The following ABHD6 variants were observed in gnomAD, a reference collection of about 807,000 sequenced individuals.
ABHD6 encodes the protein monoacylglycerol lipase ABHD6.
A neutral mutation model predicts 38.8 loss-of-function variants in ABHD6; 33 were observed. That is an observed-to-expected ratio of 0.85 (90% CI 0.64 to 1.14). The LOEUF is 1.14. Ranked by LOEUF, ABHD6 falls within the 50% of genes most tolerant of loss-of-function variation. ABHD6 has a pLI of 0.00. For missense variants in ABHD6, 380 were observed against 422.6 expected (o/e 0.90, Z 0.88); for synonymous variants, 147 against 161.6 (o/e 0.91, Z 0.69).
intron 7 of ABHD6, among the ~76,000 whole-genome samples, chr3:58,283,648 G>C (rs1012795419): frequency 6.6e-6 from 1 of 152,208 alleles, no homozygotes; most frequent in Non-Finnish European, 1.5e-5. Flanking sequence ...TCTGCAGGAT[G>C]GATAGATGGC....
chr3:58,247,720 G>A lies in ABHD6; in HGVS notation c.-90-2158G>A, dbSNP rs182725900. On this transcript the variant is annotated intron_variant, in intron 1 of 9. Coordinates refer to ENST00000478253, the MANE Select transcript of ABHD6 (RefSeq NM_001320126.2). ...CTCCTGAGTTGCAGGGACTACAGGCGCACACCACCACGCCTGGCTAATTTT... is the reference window on the plus strand; with the variant it reads ...CTCCTGAGTTGCAGGGACTACAGGCACACACCACCACGCCTGGCTAATTTT... Among the ~76,000 whole-genome samples, 42 of 151,892 alleles carry A rather than the reference G, an allele frequency of 2.8e-4. No individual in the cohort carries two copies. The East Asian group carries it at 6.6e-3, about 24-fold the overall frequency.
At chr3:58,281,364 C>G (rs1021850970) in intron 7 of ABHD6, among the ~76,000 whole-genome samples, 3 of 152,178 alleles carry the variant, frequency 2.0e-5, no homozygotes, top group African/African-American at 4.8e-5. Flanking sequence ...GCTGTGCTAG[C>G]AGGGAGCAAG....
chr3:58,294,469 T>C lies in ABHD6; in HGVS notation c.*704T>C, dbSNP rs915044615. 1 of 152,600 alleles carries C rather than the reference T, an allele frequency of 6.6e-6. No homozygotes were observed. Among genetic ancestry groups the C allele is most frequent in the Non-Finnish European group, 1.5e-5 (1 of 68,036 alleles). 9.5% of individuals were successfully genotyped at this position (152,600 alleles called of 1,614,324 possible). On this transcript the variant is annotated 3_prime_UTR_variant, in exon 10 of 10. Coordinates refer to ENST00000478253, the MANE Select transcript of ABHD6 (RefSeq NM_001320126.2). ...GGCAGGGTGGGTTTCCTAGGAATAA[T>C]TTATTATTTTTAAAAATAGGCCTAA...
chr3:58,239,763 G>T (rs74804144), intron 1 of ABHD6, among the ~76,000 whole-genome samples: 2,170 of 152,006 alleles, frequency 0.014, 44 homozygotes, highest in African/African-American at 0.048. Context: ...AGGTGATCCT[G>T]GTTTGCAGTA....
At chr3:58,291,389 C>G (rs1223022733) in intron 9 of ABHD6, among the ~76,000 whole-genome samples, 3 of 151,330 alleles carry the variant, frequency 2.0e-5, no homozygotes, top group Non-Finnish European at 4.4e-5. Flanking sequence ...AGAGGGAGAC[C>G]GTGGGGAGAG....
At chr3:58,286,822 ATG>A (rs56020810) in intron 9 of ABHD6, among the ~76,000 whole-genome samples, 8,475 of 74,480 alleles carry the variant, frequency 0.11, 841 homozygotes, top group African/African-American at 0.15. Flanking sequence ...AAGATCATAT[ATG>A]TGTGTGTGTG....
At position 58,294,517 on chromosome 3, in the gene ABHD6, T is replaced by G. The variant is rs557219242; in HGVS notation, c.*752T>G. 3 of 152,778 alleles carry G rather than the reference T, an allele frequency of 2.0e-5. No individual in the cohort carries two copies. The South Asian group carries it at 6.2e-4, about 32-fold the overall frequency. The allele number at this position is 152,778 out of a possible 1,614,324, so 9.5% of individuals were successfully genotyped here. A position where few individuals can be genotyped will look rare whatever the true frequency, so the allele number is the denominator to read the frequency against. ...TAATAAAGCAATAATGTTCTAGACA[T>G]CTGTCTAAGTAATCAGACTCAGGTT... On this transcript the variant is annotated 3_prime_UTR_variant, in exon 10 of 10. Coordinates refer to ENST00000478253, the MANE Select transcript of ABHD6 (RefSeq NM_001320126.2).
In ABHD6 at chr3:58,263,253, G is replaced by A. The variant is rs1398146201; in HGVS notation, c.120-3936G>A. 6.6e-6 allele frequency among the ~76,000 whole-genome samples: 1 copy of A among 151,972 alleles called. No homozygotes were observed. Among genetic ancestry groups the A allele is most frequent in the African/African-American group, 2.4e-5 (1 of 41,358 alleles). ...ACAAAAACAAAAATTAGCCGAGCGT[G>A]GTGGCACACACCTGTAATCCCAGCT... On this transcript the variant is annotated intron_variant, in intron 3 of 9. Transcript: ENST00000478253. The surrounding 1 kb of genome is among the most constrained non-coding windows in gnomAD (Gnocchi z 4.9).
Position 58,263,915 on chromosome 3 carries a change from A to G in ABHD6, c.120-3274A>G, listed in dbSNP as rs1014297641. Among the ~76,000 whole-genome samples the G allele has an allele frequency of 5.9e-5, 9 of 152,286 alleles. No homozygotes were observed. The highest frequency in any genetic ancestry group is 1.4e-4 in the African/African-American group (6 of 41,570). ...CCCCTGGAATAATTAATTTTCTTCA[A>G]TGCTTCTTTTGCTCTTCCCACCTCT... On this transcript the variant is annotated intron_variant, in intron 3 of 9. Coordinates refer to ENST00000478253, the MANE Select transcript of ABHD6 (RefSeq NM_001320126.2). This position sits in a 1 kb window ranked among gnomAD's most constrained non-coding sequence, Gnocchi z 4.9.
intron 1 of ABHD6, among the ~76,000 whole-genome samples, chr3:58,242,938 T>C (rs1456203425): frequency 6.6e-6 from 1 of 152,162 alleles, no homozygotes; most frequent in African/African-American, 2.4e-5. Flanking sequence ...GTTTTCATTG[T>C]TCAATTCCCA....
intron 7 of ABHD6, among the ~76,000 whole-genome samples, chr3:58,282,377 T>G (rs756513192): frequency 6.6e-6 from 1 of 151,978 alleles, no homozygotes; most frequent in Non-Finnish European, 1.5e-5. Context: ...ATGGACAGGA[T>G]GTACAGGCAA....
In ABHD6 at chr3:58,287,471, A is replaced by C. The variant is rs1004717747; in HGVS notation, c.837+2018A>C. On this transcript the variant is annotated intron_variant, in intron 9 of 9. Coordinates refer to ENST00000478253, the MANE Select transcript of ABHD6 (RefSeq NM_001320126.2). The surrounding 1 kb of genome is among the most constrained non-coding windows in gnomAD (Gnocchi z 4.7). ...ATGGCGTGTACGCAGAATAAGAGGC[A>C]ATGGTGTCTTAGATGAGCCAGGCAT... Among the ~76,000 whole-genome samples, 1 of 152,096 alleles carries C rather than the reference A, an allele frequency of 6.6e-6. No homozygotes were observed. The highest frequency in any genetic ancestry group is 2.4e-5 in the African/African-American group (1 of 41,402).
At chr3:58,252,305 C>G (rs948492182) in intron 2 of ABHD6, among the ~76,000 whole-genome samples, 3 of 146,692 alleles carry the variant, frequency 2.0e-5, no homozygotes, top group Non-Finnish European at 4.5e-5. Flanking sequence ...ACCTCAGCCT[C>G]CAGGCTCAAG....
At chr3:58,247,073 G>A (rs1414273731) in intron 1 of ABHD6, among the ~76,000 whole-genome samples, 2 of 145,536 alleles carry the variant, frequency 1.4e-5, no homozygotes, top group African/African-American at 2.6e-5. Context: ...GCCTTACTCT[G>A]TCACCCAGGC....
chr3:58,290,947 CAG>C (rs2097462226), intron 9 of ABHD6, among the ~76,000 whole-genome samples: 1 of 151,930 alleles, frequency 6.6e-6, no homozygotes, highest in African/African-American at 2.4e-5. Context: ...GGCGGCCAGG[CAG>C]AGACGCTCCT....
At chr3:58,262,566 T>G (rs1336686905) in intron 3 of ABHD6, among the ~76,000 whole-genome samples, 1 of 152,230 alleles carries the variant, frequency 6.6e-6, no homozygotes. Flanking sequence ...TCCTGAGACA[T>G]TCATTCATCC....
At chr3:58,290,298 A>AC (rs1247315044) in intron 9 of ABHD6, among the ~76,000 whole-genome samples, 11 of 49,536 alleles carry the variant, frequency 2.2e-4, no homozygotes, top group East Asian at 7.3e-4. Flanking sequence ...CGGGGGGCTG[A>AC]CCCCCCCCAC....
intron 7 of ABHD6, among the ~76,000 whole-genome samples, chr3:58,282,223 A>G (rs6809809): frequency 0.45 from 67,678 of 151,994 alleles, 16,700 homozygotes; most frequent in African/African-American, 0.67. Context: ...AGGAGCCAGG[A>G]GTTTTTCTAA....
chr3:58,249,661 C>G (rs2097428686), intron 1 of ABHD6, among the ~76,000 whole-genome samples: 1 of 152,188 alleles, frequency 6.6e-6, no homozygotes, highest in African/African-American at 2.4e-5. Flanking sequence ...ATCTGAGACG[C>G]CCTGCCCTTT....
Sources: gnomAD v4.1 joint callset for allele counts (sites outside exome capture counted in the v4.1 genomes callset) on GRCh38, gnomAD v4.1.1 for gene constraint, Gnocchi (gnomAD v3.1) non-coding constraint, MANE v1.5 for transcripts, NCBI Gene and HGNC (gene_info 2026-07-23, HGNC 2026-07-21) for gene names.